The following CLYBL variants were observed in gnomAD, a reference collection of about 807,000 sequenced individuals.
CLYBL encodes the protein citramalyl-CoA lyase.
A neutral mutation model predicts 38.9 loss-of-function variants in CLYBL; 31 were observed. The observed-to-expected ratio is 0.80, with a 90% CI of 0.60 to 1.08. The LOEUF is 1.08. Ranked by LOEUF, CLYBL falls within the 50% of genes least tolerant of loss-of-function variation. The pLI, the probability that CLYBL is intolerant of heterozygous loss-of-function variation, is 0.00. For missense variants in CLYBL, 434 were observed against 411.6 expected (o/e 1.05, Z -0.47); for synonymous variants, 171 against 158.6 (o/e 1.08, Z -0.59).
chr13:99,768,489 G>A (rs1467460940), intron 1 of CLYBL, among the ~76,000 whole-genome samples: 1 of 123,628 alleles, frequency 8.1e-6, no homozygotes, highest in Non-Finnish European at 1.6e-5. Context: ...CACTGCGCCC[G>A]ACCTCTTTTT....
At chr13:99,732,106 G>A (rs2048601055) in intron 1 of CLYBL, among the ~76,000 whole-genome samples, 1 of 142,956 alleles carries the variant, frequency 7.0e-6, no homozygotes, top group African/African-American at 2.6e-5. Context: ...GATGCATTAT[G>A]TTCTTTAAAG....
intron 1 of CLYBL, among the ~76,000 whole-genome samples, chr13:99,767,260 A>G (rs570656108): frequency 2.0e-5 from 3 of 151,992 alleles, no homozygotes; most frequent in South Asian, 4.2e-4. Flanking sequence ...TCTCATCTTC[A>G]TATTTGAGTT....
Position 99,865,323 on chromosome 13 carries a change from T to G in CLYBL, c.634+412T>G, listed in dbSNP as rs926104928. Reference sequence around the variant, plus strand: ...AATTTAAGGCAATTTCACATTTGCCTTAATGAATTGTTTTCTACAGAATAT... The same window carrying G: ...AATTTAAGGCAATTTCACATTTGCCGTAATGAATTGTTTTCTACAGAATAT... On this transcript the variant is annotated intron_variant, in intron 5 of 8. Transcript: ENST00000339105. This position sits in a 1 kb window ranked among gnomAD's most constrained non-coding sequence, Gnocchi z 4.7. 3.6e-6 allele frequency: 1 copy of G among 276,378 alleles called. No individual in the cohort carries two copies. The highest frequency in any genetic ancestry group is 7.0e-6 in the Non-Finnish European group (1 of 142,074). The allele number at this position is 276,378 out of a possible 1,614,324, so 17.1% of individuals were successfully genotyped here. A position where few individuals can be genotyped will look rare whatever the true frequency, so the allele number is the denominator to read the frequency against.
At chr13:99,632,363 G>T (rs2046958058) in intron 1 of CLYBL, among the ~76,000 whole-genome samples, 1 of 152,244 alleles carries the variant, frequency 6.6e-6, no homozygotes, top group Admixed American at 6.5e-5. Context: ...TTAGCTGTCT[G>T]CTAGAACAAA....
At chr13:99,700,590 C>G (rs961182004) in intron 1 of CLYBL, among the ~76,000 whole-genome samples, 2 of 152,160 alleles carry the variant, frequency 1.3e-5, no homozygotes, top group African/African-American at 4.8e-5. Context: ...GGCTTTGACT[C>G]CCTCAAGTTT....
At chr13:99,824,460 C>T (rs1281879583) in intron 2 of CLYBL, among the ~76,000 whole-genome samples, 1 of 152,062 alleles carries the variant, frequency 6.6e-6, no homozygotes, top group African/African-American at 2.4e-5. Flanking sequence ...CTATTTCTGG[C>T]AAATAAAACA....
downstream of CLYBL, chr13:99,893,085 G>A (rs1396448329): frequency 1.3e-5 from 2 of 152,294 alleles, no homozygotes; most frequent in Non-Finnish European, 2.9e-5. Flanking sequence ...CATGCTCCGT[G>A]GGGTCCCTCA....
chr13:99,882,107 T>C (rs867828631), intron 7 of CLYBL, among the ~76,000 whole-genome samples: 65 of 152,236 alleles, frequency 4.3e-4, no homozygotes, highest in African/African-American at 9.9e-4. Flanking sequence ...AAATATAATT[T>C]AAAATACATA....
intron 2 of CLYBL, among the ~76,000 whole-genome samples, chr13:99,800,091 C>T (rs2050101548): frequency 6.6e-6 from 1 of 152,212 alleles, no homozygotes; most frequent in Admixed American, 6.5e-5. Flanking sequence ...TGCAGTTTGT[C>T]GTCCTCCCCT....
chr13:99,754,548 A>C (rs1356524579), intron 1 of CLYBL, among the ~76,000 whole-genome samples: 2 of 150,212 alleles, frequency 1.3e-5, no homozygotes, highest in Admixed American at 1.3e-4. Context: ...GGCACACACC[A>C]CTATGCCCAG....
chr13:99,621,088 G>C (rs183843304), intron 1 of CLYBL, among the ~76,000 whole-genome samples: 2 of 152,266 alleles, frequency 1.3e-5, no homozygotes, highest in East Asian at 3.9e-4. Flanking sequence ...TGCACCAGAG[G>C]ACTGGGAGAA....
chr13:99,856,526 C>A (rs1422719746), intron 2 of CLYBL, among the ~76,000 whole-genome samples: 1 of 152,156 alleles, frequency 6.6e-6, no homozygotes, highest in Non-Finnish European at 1.5e-5. Flanking sequence ...GCAATCTTAT[C>A]TCGTTTTTTT....
intron 1 of CLYBL, among the ~76,000 whole-genome samples, chr13:99,609,681 T>C (rs1444746071): frequency 6.8e-6 from 1 of 146,654 alleles, no homozygotes; most frequent in East Asian, 2.1e-4. Flanking sequence ...GGACTACAGG[T>C]GTGCACCACT....
At chr13:99,833,032 T>A (rs9300567) in intron 2 of CLYBL, among the ~76,000 whole-genome samples, 618 of 17,184 alleles carry the variant, frequency 0.036, no homozygotes, top group South Asian at 0.056. Context: ...ATATATATAT[T>A]TTTTTTTTTT....
intron 2 of CLYBL, among the ~76,000 whole-genome samples, chr13:99,820,301 A>G (rs1172005533): frequency 6.6e-6 from 1 of 151,866 alleles, no homozygotes; most frequent in Non-Finnish European, 1.5e-5. Flanking sequence ...GGGGTCCTGC[A>G]CTCCCGTGCA....
chr13:99,771,139 C>G (rs1482928448), intron 1 of CLYBL, among the ~76,000 whole-genome samples: 1 of 149,320 alleles, frequency 6.7e-6, no homozygotes, highest in Middle Eastern at 3.3e-3. Flanking sequence ...TGGGCTTAAT[C>G]AATCCTCCCA....
chr13:99,870,915 C>T (rs565570524), intron 6 of CLYBL, 23 bp from the exon 7 acceptor site: 103 of 1,580,896 alleles, frequency 6.5e-5, no homozygotes, highest in Middle Eastern at 5.1e-4. Flanking sequence ...TTCGTGGTTC[C>T]GATGTTATTA....
intron 1 of CLYBL, among the ~76,000 whole-genome samples, chr13:99,725,041 G>A (rs2048450282): frequency 6.6e-6 from 1 of 152,184 alleles, no homozygotes; most frequent in South Asian, 2.1e-4. Flanking sequence ...CATTGCTGAG[G>A]CTGAAAGTTC....
intron 2 of CLYBL, among the ~76,000 whole-genome samples, chr13:99,842,874 A>G (rs1364593864): frequency 1.3e-5 from 2 of 152,156 alleles, no homozygotes; most frequent in Non-Finnish European, 2.9e-5. Flanking sequence ...GCTTATAAAT[A>G]GCCGCTACCC....
Sources: gnomAD v4.1 joint callset for allele counts (sites outside exome capture counted in the v4.1 genomes callset) on GRCh38, gnomAD v4.1.1 for gene constraint, Gnocchi (gnomAD v3.1) non-coding constraint, MANE v1.5 for transcripts, NCBI Gene and HGNC (gene_info 2026-07-23, HGNC 2026-07-21) for gene names.